The following SSH2 variants were observed in gnomAD, a reference collection of about 807,000 sequenced individuals.
SSH2 encodes the protein protein phosphatase Slingshot homolog 2.
A neutral mutation model predicts 135.2 loss-of-function variants in SSH2; 37 were observed. The ratio of observed to expected loss-of-function variants is 0.27; its 90% CI spans 0.21 to 0.36. SSH2 has a LOEUF of 0.36. Among genes scored for constraint, SSH2 ranks in the 10% least tolerant of loss-of-function variants. The pLI is 1.00. For synonymous variants in SSH2, 628 were observed against 646.2 expected (o/e 0.97, Z 0.43); for missense variants, 1,408 against 1,765.3 (o/e 0.80, Z 3.63).
At chr17:29,773,490 C>G (rs1017510678) in intron 3 of SSH2, among the ~76,000 whole-genome samples, 36 of 152,110 alleles carry the variant, frequency 2.4e-4, no homozygotes, top group African/African-American at 8.7e-4. Context: ...ACTCTCTTTT[C>G]TGAAGACCAA....
At chr17:29,852,554 A>ATTT (rs200843957) in intron 1 of SSH2, among the ~76,000 whole-genome samples, 2 of 143,938 alleles carry the variant, frequency 1.4e-5, no homozygotes, top group East Asian at 2.0e-4. Flanking sequence ...AAACCTGGTA[A>ATTT]TTTTTTTTTT....
rs1359024400 is a variant in SSH2, at chr17:29,630,586, T to G, written c.*255A>C. The G allele has an allele frequency of 2.4e-5, 7 of 292,686 alleles. No homozygotes were observed. Among genetic ancestry groups the G allele is most frequent in the Non-Finnish European group, 4.4e-5 (7 of 160,612 alleles). The allele number at this position is 292,686 out of a possible 1,614,324, so 18.1% of individuals were successfully genotyped here. On this transcript the variant is annotated 3_prime_UTR_variant, in exon 16 of 16. Transcript: ENST00000540801. ...ATTTGCCTTTGATAAAGGTGTTCTC[T>G]GAAAATGACTTTTTTGAGGTTTGAT...
chr17:29,733,771 T>C (rs529797465), intron 3 of SSH2, among the ~76,000 whole-genome samples: 2 of 152,346 alleles, frequency 1.3e-5, no homozygotes, highest in South Asian at 4.1e-4. Flanking sequence ...ATCTTGTTTC[T>C]TCTGTATTAA....
intron 3 of SSH2, among the ~76,000 whole-genome samples, chr17:29,713,835 A>G (rs2039525566): frequency 6.6e-6 from 1 of 152,106 alleles, no homozygotes; most frequent in South Asian, 2.1e-4. Context: ...TCTTGCCTCC[A>G]GTCACCATCC....
At chr17:29,726,262 G>C (rs2039999739) in intron 3 of SSH2, among the ~76,000 whole-genome samples, 1 of 152,136 alleles carries the variant, frequency 6.6e-6, no homozygotes, top group African/African-American at 2.4e-5. Context: ...TTTCAGGCAG[G>C]GGGAGCAGCA....
chr17:29,632,878 A>G lies in SSH2; in HGVS notation c.2316T>C (p.Asn772=). Residue 772 remains asparagine, a synonymous_variant, in exon 16 of 16, where the codon AAT becomes AAC. Coordinates refer to ENST00000540801, the MANE Select transcript of SSH2 (RefSeq NM_001282129.2). Reference sequence around the variant, plus strand: ...TGACAATTTCTTTGACTGAAATTGCATTTTCCGAGTGAGACTGCATGAAGA... The same window carrying G: ...TGACAATTTCTTTGACTGAAATTGCGTTTTCCGAGTGAGACTGCATGAAGA... The part of the protein sequence containing the change: ...PDIFMQSHSE[N]AISVKEIVTE... 1 of 1,614,004 alleles carries G rather than the reference A, an allele frequency of 6.2e-7. No individual in the cohort carries two copies. The highest frequency in any genetic ancestry group is 8.5e-7 in the Non-Finnish European group (1 of 1,179,954).
At chr17:29,710,269 A>G (rs897370366) in intron 3 of SSH2, among the ~76,000 whole-genome samples, 1 of 152,222 alleles carries the variant, frequency 6.6e-6, no homozygotes, top group Non-Finnish European at 1.5e-5. Context: ...TAGATGTTAT[A>G]CTAAAATGAA....
chr17:29,854,576 T>TA (rs1457220791), intron 1 of SSH2, among the ~76,000 whole-genome samples: 1 of 151,770 alleles, frequency 6.6e-6, no homozygotes, highest in East Asian at 1.9e-4. Context: ...ACTCATGTAC[T>TA]AAGAAGGAGG....
At chr17:29,752,418 GAAGT>G (rs1449214212) in intron 3 of SSH2, among the ~76,000 whole-genome samples, 1 of 152,040 alleles carries the variant, frequency 6.6e-6, no homozygotes, top group Non-Finnish European at 1.5e-5. Flanking sequence ...TCAAATTAGT[GAAGT>G]AAGAATGTAA....
chr17:29,837,665 TC>T (rs1040777848), intron 2 of SSH2, among the ~76,000 whole-genome samples: 1 of 152,184 alleles, frequency 6.6e-6, no homozygotes, highest in Non-Finnish European at 1.5e-5. Flanking sequence ...CCCTGCCACA[TC>T]CCAGGAGCCT....
At chr17:29,842,437 G>C (rs2043058599) in intron 2 of SSH2, among the ~76,000 whole-genome samples, 1 of 143,926 alleles carries the variant, frequency 6.9e-6, no homozygotes, top group Non-Finnish European at 1.5e-5. Flanking sequence ...CTGGGCGACA[G>C]AGTGAGACTC....
At chr17:29,853,243 C>T (rs750567871) in intron 1 of SSH2, among the ~76,000 whole-genome samples, 1 of 151,672 alleles carries the variant, frequency 6.6e-6, no homozygotes, top group Non-Finnish European at 1.5e-5. Flanking sequence ...CACACCACAA[C>T]GACCGGCTAA....
intron 1 of SSH2, among the ~76,000 whole-genome samples, chr17:29,886,369 C>A (rs1346449597): frequency 6.6e-6 from 1 of 152,132 alleles, no homozygotes; most frequent in Non-Finnish European, 1.5e-5. Context: ...TTCTGTGGAA[C>A]TTTGAACTTG....
At chr17:29,802,910 C>T (rs2042275930) in intron 2 of SSH2, among the ~76,000 whole-genome samples, 1 of 152,098 alleles carries the variant, frequency 6.6e-6, no homozygotes, top group South Asian at 2.1e-4. Flanking sequence ...CCATCAGTTA[C>T]CTCAGCCCTT....
chr17:29,900,430 T>A (rs904118552), intron 1 of SSH2, among the ~76,000 whole-genome samples: 8 of 151,932 alleles, frequency 5.3e-5, no homozygotes, highest in African/African-American at 1.9e-4. Flanking sequence ...TCAAACAAAT[T>A]TACAAGAAAA....
At chr17:29,838,448 G>A (rs917206705) in intron 2 of SSH2, among the ~76,000 whole-genome samples, 1 of 152,218 alleles carries the variant, frequency 6.6e-6, no homozygotes. Context: ...AGCCACGAAG[G>A]ACCTGAAGCA....
intron 1 of SSH2, among the ~76,000 whole-genome samples, chr17:29,849,902 T>G (rs2065522545): frequency 6.8e-6 from 1 of 146,050 alleles, no homozygotes; most frequent in African/African-American, 2.5e-5. Context: ...TGGCAGTGTG[T>G]GCCTGTAATC....
chr17:29,760,682 G>T (rs899387827), intron 3 of SSH2, among the ~76,000 whole-genome samples: 1 of 151,544 alleles, frequency 6.6e-6, no homozygotes, highest in Non-Finnish European at 1.5e-5. Flanking sequence ...CAGCAGGAGC[G>T]AAGAATGGTC....
Position 29,631,360 on chromosome 17 carries a change from T to C in SSH2, c.3834A>G (p.Pro1278=). 6.2e-7 allele frequency: 1 copy of C among 1,614,130 alleles called. No individual in the cohort carries two copies. The highest frequency in any genetic ancestry group is 8.5e-7 in the Non-Finnish European group (1 of 1,180,026). The change falls in exon 16 of 16, where the codon CCA becomes CCG. Residue 1278 remains proline, a synonymous_variant. Coordinates refer to ENST00000540801, the MANE Select transcript of SSH2 (RefSeq NM_001282129.2). ...RVVFQAGLTK[P]SQMRRSASLA... ...GAGAAGCTGAGCGCCTCATTTGGGA[T>C]GGTTTGGTGAGCCCTGCCTGGAAAA...
Sources: gnomAD v4.1 joint callset for allele counts (sites outside exome capture counted in the v4.1 genomes callset) on GRCh38, gnomAD v4.1.1 for gene constraint, MANE v1.5 for transcripts, NCBI Gene and HGNC (gene_info 2026-07-23, HGNC 2026-07-21) for gene names.